Variants in CBLB observed in about 807,000 individuals in gnomAD.
CBLB encodes the protein E3 ubiquitin-protein ligase CBL-B.
CBLB carries 31 observed loss-of-function variants against 104.9 expected under a neutral mutation model. The observed-to-expected ratio is 0.30, with a 90% CI of 0.22 to 0.40. The LOEUF is 0.40. CBLB is among the 10% of genes least tolerant of loss of function. CBLB has a pLI of 1.00. For synonymous variants in CBLB, 440 were observed against 422.6 expected (o/e 1.04, Z -0.51); for missense variants, 1,062 against 1,214.6 (o/e 0.87, Z 1.87).
chr3:105,845,198 G>A (rs2090077017), intron 3 of CBLB, among the ~76,000 whole-genome samples: 2 of 151,592 alleles, frequency 1.3e-5, no homozygotes, highest in Non-Finnish European at 2.9e-5. Flanking sequence ...ATCATTCTCA[G>A]GAATATATAA....
intron 10 of CBLB, among the ~76,000 whole-genome samples, 184 bp from the exon 11 acceptor site, chr3:105,704,357 G>A (rs1028913734): frequency 4.6e-5 from 7 of 152,094 alleles, no homozygotes; most frequent in Non-Finnish European, 1.0e-4. Flanking sequence ...GTAGTATTAC[G>A]AAAAGAAAAG....
chr3:105,686,892 G>C (rs2152741855), intron 13 of CBLB, among the ~76,000 whole-genome samples: 1 of 152,196 alleles, frequency 6.6e-6, no homozygotes, highest in East Asian at 1.9e-4. Flanking sequence ...CACAAGCTAA[G>C]GGCCTTAATA....
chr3:105,800,200 C>T (rs1044151958), intron 3 of CBLB, among the ~76,000 whole-genome samples: 1 of 152,140 alleles, frequency 6.6e-6, no homozygotes, highest in Non-Finnish European at 1.5e-5. Flanking sequence ...TTACAATCAC[C>T]TGGCTATTTT....
At chr3:105,802,663 G>GA (rs764717977) in intron 3 of CBLB, among the ~76,000 whole-genome samples, 2 of 152,274 alleles carry the variant, frequency 1.3e-5, no homozygotes, top group South Asian at 4.1e-4. Flanking sequence ...CTTAGAAGAG[G>GA]AAGATGTACA....
chr3:105,766,015 T>G (rs1158649650), intron 4 of CBLB, among the ~76,000 whole-genome samples: 1 of 152,166 alleles, frequency 6.6e-6, no homozygotes, highest in Admixed American at 6.5e-5. Context: ...TAAGAACATT[T>G]ATGATTCAAG....
intron 17 of CBLB, among the ~76,000 whole-genome samples, chr3:105,676,461 A>G (rs564861023): frequency 6.6e-6 from 1 of 152,308 alleles, no homozygotes; most frequent in South Asian, 2.1e-4. Context: ...TATTTGTCAG[A>G]AAAGCCACAT....
intron 4 of CBLB, among the ~76,000 whole-genome samples, chr3:105,765,736 A>C (rs2078149724): frequency 1.3e-5 from 2 of 152,300 alleles, no homozygotes; most frequent in South Asian, 4.1e-4. Context: ...GTGTAGAGAA[A>C]ACAATTCCTT....
intron 3 of CBLB, among the ~76,000 whole-genome samples, chr3:105,811,779 G>A (rs537444373): frequency 2.0e-5 from 3 of 151,884 alleles, no homozygotes; most frequent in African/African-American, 7.2e-5. Flanking sequence ...GCACGAACCC[G>A]GCTCACAGCA....
chr3:105,691,680 G>C (rs2067710160), intron 13 of CBLB, among the ~76,000 whole-genome samples: 1 of 152,126 alleles, frequency 6.6e-6, no homozygotes, highest in African/African-American at 2.4e-5. Flanking sequence ...ATCATATGTT[G>C]TCACTGATTT....
intron 4 of CBLB, among the ~76,000 whole-genome samples, chr3:105,752,045 A>T (rs890830254): frequency 2.7e-4 from 41 of 152,232 alleles, no homozygotes; most frequent in Admixed American, 1.0e-3. Flanking sequence ...TTCATTGCAC[A>T]AATGAGTAAT....
intron 17 of CBLB, among the ~76,000 whole-genome samples, chr3:105,674,296 C>T (rs1178483444): frequency 6.6e-6 from 1 of 152,220 alleles, no homozygotes; most frequent in Non-Finnish European, 1.5e-5. Flanking sequence ...AGATTGTAGT[C>T]AACAAAACCC....
intron 18 of CBLB, among the ~76,000 whole-genome samples, chr3:105,667,986 C>T (rs2064660814): frequency 6.6e-6 from 1 of 152,206 alleles, no homozygotes; most frequent in Non-Finnish European, 1.5e-5. Flanking sequence ...CAAGCTCAGT[C>T]TCTCTGCTGA....
intron 3 of CBLB, among the ~76,000 whole-genome samples, chr3:105,811,552 C>A (rs1323043964): frequency 6.6e-6 from 1 of 152,152 alleles, no homozygotes; most frequent in Admixed American, 6.5e-5. Context: ...ACAGTAATGT[C>A]AATTTCCTAC....
intron 17 of CBLB, among the ~76,000 whole-genome samples, chr3:105,674,303 A>G (rs1289843316): frequency 6.6e-6 from 1 of 152,136 alleles, no homozygotes; most frequent in African/African-American, 2.4e-5. Context: ...AGTCAACAAA[A>G]CCCCTAAAAC....
At chr3:105,766,722 T>C (rs546796845) in intron 4 of CBLB, among the ~76,000 whole-genome samples, 1 of 152,330 alleles carries the variant, frequency 6.6e-6, no homozygotes, top group East Asian at 1.9e-4. Context: ...ACAACTTCTA[T>C]ATTCACTAGG....
chr3:105,800,274 G>A (rs185095044), intron 3 of CBLB, among the ~76,000 whole-genome samples: 3 of 152,280 alleles, frequency 2.0e-5, no homozygotes, highest in Admixed American at 2.0e-4. Flanking sequence ...GAAGGGACAT[G>A]GCTATTAGAG....
intron 3 of CBLB, 120 bp downstream of exon 3, chr3:105,853,294 T>G: frequency 1.0e-6 from 1 of 957,468 alleles, no homozygotes. Flanking sequence ...ACCACATGAC[T>G]ATATACAAAG....
At position 105,867,472 on chromosome 3, in the gene CBLB, G is replaced by C; in HGVS notation, c.106C>G (p.Pro36Ala). 2 of 1,614,110 alleles carry C rather than the reference G, an allele frequency of 1.2e-6. No individual in the cohort carries two copies. The highest frequency in any genetic ancestry group is 1.7e-6 in the Non-Finnish European group (2 of 1,180,020). Reference protein sequence around the residue: ...IDAIQDAVGPPKQAAADRRTV... With the variant: ...IDAIQDAVGPAKQAAADRRTV... The stretch of plus-strand genomic sequence containing the variant: ...CTGCGATCTGCGGCAGCTTGCTTAG[G>C]GGGTCCAACTGCATCCTGAATAGCA... Residue 36 changes from proline to alanine, a missense_variant, in exon 2 of 19, where the codon CCT (proline) becomes GCT (alanine). By Grantham distance (27) the Pro-to-Ala change is conservative. Around this residue, in one of 2 missense-constraint regions of CBLB, gnomAD observed 457 missense variants for 632.0 expected, o/e 0.72. Coordinates refer to ENST00000394030, the MANE Select transcript of CBLB (RefSeq NM_170662.5).
chr3:105,797,812 G>T (rs16851606), intron 3 of CBLB, among the ~76,000 whole-genome samples: 2,658 of 152,252 alleles, frequency 0.017, 70 homozygotes, highest in African/African-American at 0.06. Flanking sequence ...CTTTTCATGG[G>T]TGTGAATTTC....
Sources: allele counts gnomAD v4.1 joint callset (sites outside exome capture counted in the v4.1 genomes callset), GRCh38; gene constraint gnomAD v4.1.1; regional missense constraint gnomAD v4.1.1; transcripts MANE v1.5; gene names NCBI Gene and HGNC (gene_info 2026-07-23, HGNC 2026-07-21).